The following DOK6 variants were observed in gnomAD, a reference collection of about 807,000 sequenced individuals.
The protein encoded by DOK6 is docking protein 6.
A neutral mutation model predicts 44.0 loss-of-function variants in DOK6; 22 were observed. The observed-to-expected ratio is 0.50, with a 90% confidence interval of 0.36 to 0.71. DOK6 has a LOEUF of 0.71. DOK6 is among the 30% of genes least tolerant of loss of function. The probability of loss-of-function intolerance (pLI) is 0.00; values close to 1 mark genes in which losing one functional copy is unlikely to be tolerated. For missense variants in DOK6, 340 were observed against 416.4 expected (o/e 0.82, Z 1.60); for synonymous variants, 166 against 145.5 (o/e 1.14, Z -1.01).
At chr18:69,751,916 GAAAT>G (rs1979193128) in intron 6 of DOK6, among the ~76,000 whole-genome samples, 2 of 152,046 alleles carry the variant, frequency 1.3e-5, no homozygotes, top group South Asian at 4.2e-4. Flanking sequence ...TGTAAAAAAG[GAAAT>G]AAAGCTACAA....
intron 3 of DOK6, among the ~76,000 whole-genome samples, chr18:69,649,067 C>T (rs1361959997): frequency 6.6e-6 from 1 of 152,192 alleles, no homozygotes; most frequent in Admixed American, 6.5e-5. Flanking sequence ...TTCTTGACTT[C>T]TCTTACCATC....
intron 3 of DOK6, among the ~76,000 whole-genome samples, chr18:69,657,978 G>A (rs976437866): frequency 1.3e-5 from 2 of 151,986 alleles, no homozygotes; most frequent in African/African-American, 2.4e-5. Context: ...TTTGAGAGGG[G>A]TCTCCCTCTA....
chr18:69,680,988 A>G (rs550156292), intron 4 of DOK6, among the ~76,000 whole-genome samples: 2 of 152,354 alleles, frequency 1.3e-5, no homozygotes, highest in African/African-American at 4.8e-5. Context: ...TAAAATCATT[A>G]ACTTACTAAT....
chr18:69,703,049 G>T (rs1290401264), intron 5 of DOK6, among the ~76,000 whole-genome samples: 1 of 82,586 alleles, frequency 1.2e-5, no homozygotes, highest in Non-Finnish European at 2.9e-5. Flanking sequence ...TCTCTCCGAG[G>T]GGGAAAAAAA....
At chr18:69,403,056 T>A (rs1183044427) in intron 1 of DOK6, among the ~76,000 whole-genome samples, 1 of 152,176 alleles carries the variant, frequency 6.6e-6, no homozygotes, top group African/African-American at 2.4e-5. Context: ...GGATGCTTGA[T>A]CATTTTTCTC....
intron 3 of DOK6, among the ~76,000 whole-genome samples, chr18:69,641,548 A>G (rs1358905627): frequency 6.6e-6 from 1 of 152,214 alleles, no homozygotes; most frequent in East Asian, 1.9e-4. Flanking sequence ...AACTGTGACA[A>G]TAATTTAAGC....
At chr18:69,637,875 TTTTAAG>T (rs1984845206) in intron 3 of DOK6, among the ~76,000 whole-genome samples, 1 of 150,314 alleles carries the variant, frequency 6.7e-6, no homozygotes, top group Non-Finnish European at 1.5e-5. Context: ...GTTGGCAAAC[TTTTAAG>T]TTTTTTTTTT....
At chr18:69,763,465 C>T (rs531619092) in intron 7 of DOK6, among the ~76,000 whole-genome samples, 1 of 152,056 alleles carries the variant, frequency 6.6e-6, no homozygotes, top group African/African-American at 2.4e-5. Context: ...ATTTTAAACT[C>T]GCAACTCTGA....
At chr18:69,426,240 A>G (rs1289438361) in intron 1 of DOK6, among the ~76,000 whole-genome samples, 1 of 152,092 alleles carries the variant, frequency 6.6e-6, no homozygotes, top group East Asian at 1.9e-4. Context: ...GAACACTGCT[A>G]TTCCTCCCCA....
At position 69,848,313 on chromosome 18, in the gene DOK6, T is replaced by G. The variant is rs1477682505; in HGVS notation, c.*6930T>G. 1 of 152,226 alleles carries G rather than the reference T, an allele frequency of 6.6e-6. No homozygotes were observed. Among genetic ancestry groups the G allele is most frequent in the Non-Finnish European group, 1.5e-5 (1 of 68,036 alleles). The allele number at this position is 152,226 out of a possible 1,614,324, so 9.4% of individuals were successfully genotyped here. Reference sequence around the variant, plus strand: ...GTTCAATATAATGTTTATGATCATTTTGATAAGAAATAACTTTGGACATTA... The same window carrying G: ...GTTCAATATAATGTTTATGATCATTGTGATAAGAAATAACTTTGGACATTA... On this transcript the variant is annotated 3_prime_UTR_variant, in exon 8 of 8. Coordinates refer to ENST00000382713, the MANE Select transcript of DOK6 (RefSeq NM_152721.6).
rs9954134 is a variant in DOK6 at position 69,668,452 on chromosome 18, G to A, written c.290-9282G>A. On this transcript the variant is annotated intron_variant, in intron 3 of 7. Transcript: ENST00000382713. Reference sequence around the variant, plus strand: ...TAGTTTTTGTTCATTTCCATTCTTAGTTTATGAATTTTTGATTCAAGTTTA... The same window carrying A: ...TAGTTTTTGTTCATTTCCATTCTTAATTTATGAATTTTTGATTCAAGTTTA... Among the ~76,000 whole-genome samples the A allele has an allele frequency of 6.4e-3, 968 of 151,780 alleles. 10 individuals carry two copies. The highest frequency in any genetic ancestry group is 0.02 in the African/African-American group (824 of 41,348).
intron 7 of DOK6, among the ~76,000 whole-genome samples, chr18:69,813,059 C>T (rs545708067): frequency 1.3e-5 from 2 of 152,246 alleles, no homozygotes; most frequent in Non-Finnish European, 2.9e-5. Context: ...CACCTGATTA[C>T]TAGAACACAG....
At chr18:69,744,355 G>C (rs1599300965) in intron 6 of DOK6, among the ~76,000 whole-genome samples, 2 of 151,494 alleles carry the variant, frequency 1.3e-5, no homozygotes, top group Non-Finnish European at 2.9e-5. Context: ...ATTATTCAGA[G>C]TTCTATTCAT....
intron 2 of DOK6, among the ~76,000 whole-genome samples, chr18:69,564,811 A>G (rs1982929676): frequency 1.3e-5 from 2 of 152,164 alleles, no homozygotes; most frequent in Admixed American, 1.3e-4. Flanking sequence ...TTTTATTGCT[A>G]CTTTGCAAAA....
chr18:69,835,233 T>G (rs1026303740), intron 7 of DOK6, among the ~76,000 whole-genome samples: 1 of 151,920 alleles, frequency 6.6e-6, no homozygotes, highest in Non-Finnish European at 1.5e-5. Flanking sequence ...GAGGCCGAGG[T>G]GGGTGGATCA....
chr18:69,569,621 C>A lies in DOK6; in HGVS notation c.174+5027C>A, dbSNP rs114795811. The stretch of plus-strand genomic sequence containing the variant: ...TTATTAGAATGGGATTTAAAACCAG[C>A]TATTATGCCTATGCTTGATGAAGTG... On this transcript the variant is annotated intron_variant, in intron 2 of 7. Transcript: ENST00000382713. 3.9e-3 allele frequency among the ~76,000 whole-genome samples: 600 copies of A among 152,334 alleles called. 4 individuals are homozygous for A. The highest frequency in any genetic ancestry group is 0.014 in the African/African-American group (577 of 41,570).
At chr18:69,440,721 T>G (rs2122440933) in intron 1 of DOK6, among the ~76,000 whole-genome samples, 1 of 148,704 alleles carries the variant, frequency 6.7e-6, no homozygotes, top group South Asian at 2.2e-4. Flanking sequence ...TTGCTTTTTC[T>G]TCTGTGATTT....
intron 7 of DOK6, among the ~76,000 whole-genome samples, chr18:69,824,664 T>C (rs1284326647): frequency 6.6e-6 from 1 of 152,206 alleles, no homozygotes; most frequent in Admixed American, 6.5e-5. Flanking sequence ...CCCAGTGTCC[T>C]TCAAATTTTT....
intron 7 of DOK6, among the ~76,000 whole-genome samples, chr18:69,775,290 A>T (rs1486271195): frequency 1.3e-5 from 2 of 152,026 alleles, no homozygotes; most frequent in African/African-American, 4.8e-5. Context: ...ATTTGAACTC[A>T]CAAAGAAGAA....
Sources: allele counts gnomAD v4.1 joint callset (sites outside exome capture counted in the v4.1 genomes callset), GRCh38; gene constraint gnomAD v4.1.1; transcripts MANE v1.5; gene names NCBI Gene and HGNC (gene_info 2026-07-23, HGNC 2026-07-21).